Variants in PRKD1 observed in about 807,000 individuals in gnomAD.
PRKD1 encodes protein kinase D1.
Under a neutral mutation model 95.9 loss-of-function variants are expected in PRKD1, and 63 were observed. That is an observed-to-expected ratio of 0.66 (90% CI 0.54 to 0.81). PRKD1 has a LOEUF of 0.81. PRKD1 is among the 30% of genes least tolerant of loss of function. PRKD1 has a pLI of 0.00. For synonymous variants in PRKD1, 425 were observed against 423.1 expected (o/e 1.00, Z -0.05); for missense variants, 1,048 against 1,165.3 (o/e 0.90, Z 1.47).
intron 11 of PRKD1, among the ~76,000 whole-genome samples, chr14:29,626,956 G>A (rs534384509): frequency 2.4e-4 from 37 of 152,020 alleles, no homozygotes; most frequent in African/African-American, 8.9e-4. Context: ...CTAGTGATCC[G>A]CCTGCCTTGG....
intron 1 of PRKD1, among the ~76,000 whole-genome samples, chr14:29,810,830 T>G (rs1240182846): frequency 6.6e-6 from 1 of 152,260 alleles, no homozygotes; most frequent in Non-Finnish European, 1.5e-5. Flanking sequence ...GCAGCTCATT[T>G]GGAACTGGTT....
intron 1 of PRKD1, among the ~76,000 whole-genome samples, chr14:29,830,736 A>C (rs1011527044): frequency 4.6e-5 from 7 of 151,404 alleles, no homozygotes; most frequent in African/African-American, 1.7e-4. Context: ...TCTGTTGCCC[A>C]GGCTGGAATG....
chr14:29,725,193 C>G (rs1315612706), intron 2 of PRKD1, among the ~76,000 whole-genome samples: 2 of 152,178 alleles, frequency 1.3e-5, no homozygotes, highest in African/African-American at 4.8e-5. Flanking sequence ...GCAGCCCTGA[C>G]AGCTAATTTA....
At chr14:29,789,200 T>C (rs1458231505) in intron 1 of PRKD1, among the ~76,000 whole-genome samples, 2 of 152,214 alleles carry the variant, frequency 1.3e-5, no homozygotes, top group Non-Finnish European at 2.9e-5. Flanking sequence ...TGAGTTTCTT[T>C]GATATCGTTA....
At position 29,576,484 on chromosome 14, in the gene PRKD1, A is replaced by G. The variant is rs1216035258; in HGVS notation, c.*754T>C. On this transcript the variant is annotated 3_prime_UTR_variant, in exon 18 of 18. Transcript: ENST00000331968. ...TTCAATGAGGTGGACACATATTTTG[A>G]CAAGAATATTTTTTATTATTGAAAA... 2 of 152,580 alleles carry G rather than the reference A, an allele frequency of 1.3e-5. No individual in the cohort carries two copies. Among genetic ancestry groups the G allele is most frequent in the African/African-American group, 4.8e-5 (2 of 41,458 alleles). The allele number at this position is 152,580 out of a possible 1,614,324, so 9.5% of individuals were successfully genotyped here. A position where few individuals can be genotyped will look rare whatever the true frequency, so the allele number is the denominator to read the frequency against.
intron 2 of PRKD1, among the ~76,000 whole-genome samples, chr14:29,669,225 T>C (rs961128712): frequency 6.6e-6 from 1 of 152,190 alleles, no homozygotes. Context: ...TTAGTATGCT[T>C]TTTGCATGAG....
intron 1 of PRKD1, among the ~76,000 whole-genome samples, chr14:29,823,239 A>G (rs1460790008): frequency 6.6e-6 from 1 of 152,192 alleles, no homozygotes; most frequent in African/African-American, 2.4e-5. Context: ...TTTTCATATT[A>G]TGCGAATGTG....
At chr14:29,854,883 T>G (rs1892438516) in intron 1 of PRKD1, among the ~76,000 whole-genome samples, 1 of 152,152 alleles carries the variant, frequency 6.6e-6, no homozygotes, top group South Asian at 2.1e-4. Context: ...GGCCGTGGCT[T>G]CAGAGGGTTG....
intron 16 of PRKD1, chr14:29,594,231 T>C: frequency 2.5e-6 from 1 of 401,558 alleles, no homozygotes; most frequent in East Asian, 7.5e-5. Flanking sequence ...CTATGCATGT[T>C]ATTAAGATTG....
intron 2 of PRKD1, among the ~76,000 whole-genome samples, chr14:29,694,155 T>G (rs1884391939): frequency 6.6e-6 from 1 of 152,146 alleles, no homozygotes; most frequent in African/African-American, 2.4e-5. Flanking sequence ...ATACTAAAAT[T>G]TATTGAAATG....
intron 2 of PRKD1, among the ~76,000 whole-genome samples, chr14:29,687,303 A>G (rs1376487164): frequency 6.6e-6 from 1 of 152,250 alleles, no homozygotes; most frequent in East Asian, 1.9e-4. Context: ...CAGCAGTACT[A>G]AAGTCCAGCT....
chr14:29,693,316 T>A (rs1039138332), intron 2 of PRKD1, among the ~76,000 whole-genome samples: 1 of 152,102 alleles, frequency 6.6e-6, no homozygotes, highest in Non-Finnish European at 1.5e-5. Flanking sequence ...TGGCCAAGGA[T>A]TGTTGGGAAC....
chr14:29,907,738 A>G (rs1458283263), intron 1 of PRKD1, among the ~76,000 whole-genome samples: 1 of 152,242 alleles, frequency 6.6e-6, no homozygotes, highest in East Asian at 1.9e-4. Flanking sequence ...TGACATTCAT[A>G]TTTGTGTCTA....
chr14:29,843,459 T>G (rs1283699807), intron 1 of PRKD1, among the ~76,000 whole-genome samples: 3 of 152,084 alleles, frequency 2.0e-5, no homozygotes, highest in East Asian at 3.9e-4. Flanking sequence ...CTGCAGATAT[T>G]GACAAAAAAA....
chr14:29,753,950 A>C (rs1303739881), intron 1 of PRKD1, among the ~76,000 whole-genome samples: 6 of 152,172 alleles, frequency 3.9e-5, no homozygotes, highest in African/African-American at 1.4e-4. Flanking sequence ...GAACATACGT[A>C]TGCAAAAGGG....
chr14:29,801,514 C>T (rs1394266420), intron 1 of PRKD1, among the ~76,000 whole-genome samples: 3 of 152,158 alleles, frequency 2.0e-5, no homozygotes, highest in African/African-American at 7.2e-5. Context: ...GTTTCACTAA[C>T]AGTGTGGTTT....
intron 12 of PRKD1, among the ~76,000 whole-genome samples, chr14:29,625,195 A>G (rs1184311591): frequency 8.6e-5 from 13 of 151,744 alleles, no homozygotes; most frequent in African/African-American, 2.4e-5. Flanking sequence ...CATGTTCTCT[A>G]CTTCCTTAAC....
intron 1 of PRKD1, among the ~76,000 whole-genome samples, chr14:29,760,634 T>C (rs945445378): frequency 2.0e-5 from 3 of 152,128 alleles, no homozygotes; most frequent in African/African-American, 7.2e-5. Context: ...ATTACAGGCG[T>C]GAGCCACCAC....
rs535024010 is a variant in PRKD1 at position 29,646,051 on chromosome 14, G to A, written c.697-7147C>T. ...TTGTAACACCAATTTCTGGAATACCGTGTCACAAAGAATAATTGCTGATAT... is the reference window on the plus strand; with the variant it reads ...TTGTAACACCAATTTCTGGAATACCATGTCACAAAGAATAATTGCTGATAT... On this transcript the variant is annotated intron_variant, in intron 4 of 17. Transcript: ENST00000331968. Among the ~76,000 whole-genome samples, 27 of 152,142 alleles carry A rather than the reference G, an allele frequency of 1.8e-4. No individual in the cohort carries two copies. In the South Asian group the frequency reaches 2.5e-3, roughly 14 times the overall value.
Sources: gnomAD v4.1 joint callset for allele counts (sites outside exome capture counted in the v4.1 genomes callset) on GRCh38, gnomAD v4.1.1 for gene constraint, MANE v1.5 for transcripts, NCBI Gene and HGNC (gene_info 2026-07-23, HGNC 2026-07-21) for gene names.